B4GALNT2: variants seen among roughly 807,000 people sequenced by gnomAD.
B4GALNT2 encodes N-acetylneuraminylgalactosylglucosyl-glucoside beta-1,4-N- acetylgalactosaminyltransferase 2.
B4GALNT2 carries 42 observed loss-of-function variants against 51.1 expected under a neutral mutation model. The observed-to-expected ratio is 0.82, with a 90% CI of 0.64 to 1.06. The LOEUF (loss-of-function observed/expected upper bound fraction) is 1.06. Among genes scored for constraint, B4GALNT2 ranks in the 50% least tolerant of loss-of-function variants. B4GALNT2 has a pLI of 0.00. For synonymous variants in B4GALNT2, 253 were observed against 251.7 expected, an observed-to-expected ratio of 1.01 and a Z score of -0.05; for missense variants, 602 against 633.6, an observed-to-expected ratio of 0.95 and a Z score of 0.54.
At chr17:49,144,292 T>C (rs1369649307) in intron 3 of B4GALNT2, among the ~76,000 whole-genome samples, 2 of 152,234 alleles carry the variant, frequency 1.3e-5, no homozygotes, top group East Asian at 1.9e-4. Context: ...CACATGAAAT[T>C]TGGGGAACAC....
At chr17:49,142,217 A>AG (rs750751647) in intron 3 of B4GALNT2, 45 bp downstream of exon 3, 2 of 1,610,082 alleles carry the variant, frequency 1.2e-6, no homozygotes, top group Middle Eastern at 3.3e-4. Context: ...ATGGAACAAA[A>AG]GCCCTCCCTA....
the B4GALNT2 span, among the ~76,000 whole-genome samples, chr17:49,124,402 T>C: frequency 2.6e-5 from 4 of 152,338 alleles, no homozygotes; most frequent in South Asian, 8.3e-4. Context: ...AACAATTGTT[T>C]ATGGATGACA....
In B4GALNT2 at chr17:49,134,697, C is replaced by T. The variant is rs746792823; in HGVS notation, c.14+1891C>T. Among the ~76,000 whole-genome samples, 87 of 152,162 alleles carry T rather than the reference C, an allele frequency of 5.7e-4. 1 individual carries two copies. Among genetic ancestry groups the T allele is most frequent in the Non-Finnish European group, 1.0e-3 (68 of 68,030 alleles). On this transcript the variant is annotated intron_variant, in intron 1 of 10. Transcript: ENST00000393354. ...CCACCTCCATGGTTCAAGCAATTCC[C>T]CTGCCTCAGCCTCCAGAGTAGCCGA...
rs1050567469 is a variant in B4GALNT2, at chr17:49,166,237, A to G, written c.1078A>G (p.Lys360Glu). The change falls in exon 9 of 11, where the codon AAA (lysine) becomes GAA (glutamate). Residue 360 changes from lysine (K) to glutamate (E), a missense_variant. By Grantham distance (56) the Lys-to-Glu change is moderately conservative (BLOSUM62 1). Transcript: ENST00000393354. ...TGAGGTGCTGGTGGATGTCCTGGAG[A>G]AAACAGAACTGGACGTGGTAAGGGA... ...KIEVLVDVLE[K>E]TELDVVGGSV... The G allele has an allele frequency of 1.2e-6, 2 of 1,614,028 alleles. No individual in the cohort carries two copies. Among genetic ancestry groups the G allele is most frequent in the African/African-American group, 2.7e-5 (2 of 75,006 alleles).
At chr17:49,167,695 T>A (rs957987021) in intron 9 of B4GALNT2, among the ~76,000 whole-genome samples, 1 of 150,492 alleles carries the variant, frequency 6.6e-6, no homozygotes, top group Admixed American at 6.7e-5. Flanking sequence ...CTGCAGCCTC[T>A]GTCTCCCAGG....
intron 3 of B4GALNT2, among the ~76,000 whole-genome samples, chr17:49,147,772 G>A (rs936285153): frequency 2.0e-5 from 3 of 151,940 alleles, no homozygotes; most frequent in African/African-American, 7.3e-5. Flanking sequence ...TAGCTAAGGA[G>A]TCTGCCATTA....
At chr17:49,140,903 G>A (rs772169862) in intron 1 of B4GALNT2, among the ~76,000 whole-genome samples, 2 of 151,980 alleles carry the variant, frequency 1.3e-5, no homozygotes, top group South Asian at 4.1e-4. Flanking sequence ...ATTTTTAGTA[G>A]AGGCTGGGTT....
rs1227966516 is a variant in B4GALNT2 at position 49,172,317 on chromosome 17, C to A, written c.*2589C>A. The A allele has an allele frequency of 5.9e-6, 1 of 168,794 alleles. No homozygotes were observed. Among genetic ancestry groups the A allele is most frequent in the East Asian group, 1.5e-4 (1 of 6,674 alleles). 10.5% of individuals were successfully genotyped at this position (168,794 alleles called of 1,614,324 possible). ...AGGTTTCAGGTGTCTTGATGGCACC[C>A]AAATTGGCTATTGATTCGGTCCTGG... On this transcript the variant is annotated 3_prime_UTR_variant, in exon 11 of 11. Transcript: ENST00000393354.
At chr17:49,146,642 A>G (rs2042697777) in intron 3 of B4GALNT2, among the ~76,000 whole-genome samples, 1 of 152,060 alleles carries the variant, frequency 6.6e-6, no homozygotes, top group Admixed American at 6.6e-5. Flanking sequence ...TCCATTGCTG[A>G]CTACTCCATA....
At chr17:49,132,555 T>C (rs2042548670), upstream of B4GALNT2, 1 of 413,224 alleles carries the variant, frequency 2.4e-6, no homozygotes, top group East Asian at 3.6e-5. Context: ...GGGGATTGTG[T>C]TTTTCTTTAA....
Position 49,164,145 on chromosome 17 carries a change from A to G in B4GALNT2, c.824A>G (p.Lys275Arg), listed in dbSNP as rs1253018157. Residue 275 changes from lysine (K) to arginine (R), a missense_variant, in exon 8 of 11, where the codon AAG becomes AGG. Transcript: ENST00000393354. ...ACCAAGACTTTCCTCCGCCCCCACA[A>G]GCTCATGATCATGCTCCGGAGTATT... ...IATKTFLRPHKLMIMLRSIRE... is the reference protein window; with the variant it reads ...IATKTFLRPHRLMIMLRSIRE... The G allele has an allele frequency of 6.2e-7, 1 of 1,614,102 alleles. No homozygotes were observed. The highest frequency in any genetic ancestry group is 1.1e-5 in the South Asian group (1 of 91,082).
rs1598211880 is a variant in B4GALNT2, at chr17:49,158,918, G to C, written c.499-119G>C. ...CCTACACTGTCAAGGGCACCCTGGT[G>C]CTTCTCCCCTCACCCTTATGTGCTC... On this transcript the variant is annotated intron_variant, in intron 5 of 10. Coordinates refer to ENST00000393354, the MANE Select transcript of B4GALNT2 (RefSeq NM_001159387.2). The C allele has an allele frequency of 2.5e-6, 3 of 1,194,062 alleles. No homozygotes were observed. The East Asian group carries it at 7.1e-5, about 28-fold the overall frequency. The allele number at this position is 1,194,062 out of a possible 1,614,324, so 74.0% of individuals were successfully genotyped here. A position where few individuals can be genotyped will look rare whatever the true frequency, so the allele number is the denominator to read the frequency against.
At chr17:49,161,203 A>G (rs1222029647) in intron 7 of B4GALNT2, among the ~76,000 whole-genome samples, 1 of 150,916 alleles carries the variant, frequency 6.6e-6, no homozygotes, top group Non-Finnish European at 1.5e-5. Flanking sequence ...TGAACCCAGG[A>G]GGTGGAGGTT....
chr17:49,156,736 G>A (rs2042814360), intron 5 of B4GALNT2, 133 bp downstream of exon 5: 3 of 1,021,288 alleles, frequency 2.9e-6, no homozygotes, highest in African/African-American at 3.3e-5. Flanking sequence ...GGGAGGGGAT[G>A]GAAGGGTGTG....
At chr17:49,163,420 GA>G (rs2042881721) in intron 7 of B4GALNT2, among the ~76,000 whole-genome samples, 2 of 145,346 alleles carry the variant, frequency 1.4e-5, no homozygotes, top group South Asian at 2.3e-4. Context: ...CCTCCATATT[GA>G]ACCCTTAGAT....
chr17:49,131,374 C>T (rs927580535), upstream of B4GALNT2, among the ~76,000 whole-genome samples: 10 of 148,506 alleles, frequency 6.7e-5, no homozygotes, highest in Non-Finnish European at 1.0e-4. Context: ...GGAGCTCAGA[C>T]CTGAACTTGG....
intron 3 of B4GALNT2, among the ~76,000 whole-genome samples, chr17:49,143,316 CAAGAA>C (rs989954843): frequency 4.6e-5 from 4 of 87,026 alleles, no homozygotes; most frequent in African/African-American, 2.2e-4. Context: ...AAACAAAAAA[CAAGAA>C]AAGGGCTGAA....
chr17:49,130,021 C>G (rs2042529225), upstream of B4GALNT2, among the ~76,000 whole-genome samples: 1 of 152,178 alleles, frequency 6.6e-6, no homozygotes, highest in Non-Finnish European at 1.5e-5. Context: ...GGGACCACAG[C>G]TAGCTCTGCC....
rs1237789127 is a variant in B4GALNT2 at position 49,173,747 on chromosome 17, G to A, written c.*4019G>A. On this transcript the variant is annotated 3_prime_UTR_variant, in exon 11 of 11. Coordinates refer to ENST00000393354, the MANE Select transcript of B4GALNT2 (RefSeq NM_001159387.2). ...GGAGTTAGAGTCCGTGAATTAGTAT[G>A]TGGAAGAAAAAGCCGCTCTACAAGA... The A allele has an allele frequency of 2.0e-5, 3 of 152,184 alleles. No homozygotes were observed. The highest frequency in any genetic ancestry group is 4.4e-5 in the Non-Finnish European group (3 of 68,032). 9.4% of individuals were successfully genotyped at this position (152,184 alleles called of 1,614,324 possible). A position where few individuals can be genotyped will look rare whatever the true frequency, so the allele number is the denominator to read the frequency against.
Sources: allele counts gnomAD v4.1 joint callset (sites outside exome capture counted in the v4.1 genomes callset), GRCh38; gene constraint gnomAD v4.1.1; transcripts MANE v1.5; gene names NCBI Gene and HGNC (gene_info 2026-07-23, HGNC 2026-07-21).